The following CACNA2D2 variants were observed in gnomAD, a reference collection of about 807,000 sequenced individuals.
CACNA2D2 encodes the protein voltage-dependent calcium channel subunit alpha-2/delta-2.
In CACNA2D2, 48 loss-of-function variants were observed where a neutral mutation model predicts 166.4. The ratio of observed to expected loss-of-function variants is 0.29; its 90% CI spans 0.23 to 0.37. The LOEUF (loss-of-function observed/expected upper bound fraction) is 0.37, where lower values mean the gene tolerates loss of function less well. Among genes scored for constraint, CACNA2D2 ranks in the 10% least tolerant of loss-of-function variants. The probability of loss-of-function intolerance (pLI) is 1.00; values close to 1 mark genes in which losing one functional copy is unlikely to be tolerated. For missense variants in CACNA2D2, 1,122 were observed against 1,433.0 expected, an observed-to-expected ratio of 0.78 and a Z score of 3.50; for synonymous variants, 561 against 573.7, an observed-to-expected ratio of 0.98 and a Z score of 0.32.
At position 50,397,784 on chromosome 3, in the gene CACNA2D2, C is replaced by T. The variant is rs370517008; in HGVS notation, c.406-3616G>A. On this transcript the variant is annotated intron_variant, in intron 3 of 37. Coordinates refer to ENST00000424201, the MANE Select transcript of CACNA2D2 (RefSeq NM_006030.4). ...TTAGCCCTATCAGACTGTGTTACCTCCCCTGGAAACTTCCTTTTGCCTTTA... is the reference window on the plus strand; with the variant it reads ...TTAGCCCTATCAGACTGTGTTACCTTCCCTGGAAACTTCCTTTTGCCTTTA... Among the ~76,000 whole-genome samples, 9 of 152,326 alleles carry T rather than the reference C, an allele frequency of 5.9e-5. No homozygotes were observed. The East Asian group carries it at 1.4e-3, about 23-fold the overall frequency.
At chr3:50,452,626 T>A (rs1709154285) in intron 2 of CACNA2D2, among the ~76,000 whole-genome samples, 1 of 152,180 alleles carries the variant, frequency 6.6e-6, no homozygotes, top group South Asian at 2.1e-4. Context: ...TATCAATGCT[T>A]TGGAGAAAGA....
At chr3:50,378,687 G>T (rs1032486395) in intron 13 of CACNA2D2, among the ~76,000 whole-genome samples, 1 of 152,244 alleles carries the variant, frequency 6.6e-6, no homozygotes, top group African/African-American at 2.4e-5. Flanking sequence ...GAGTAGACAA[G>T]CTGGGGGACG....
At chr3:50,384,175 C>T in intron 6 of CACNA2D2, 21 bp downstream of exon 6, 2 of 1,612,194 alleles carry the variant, frequency 1.2e-6, no homozygotes, top group Middle Eastern at 3.3e-4. Flanking sequence ...ATGGGCTGTC[C>T]CGATTGCTCT....
At chr3:50,465,855 G>A (rs1340275134) in intron 2 of CACNA2D2, among the ~76,000 whole-genome samples, 1 of 152,148 alleles carries the variant, frequency 6.6e-6, no homozygotes, top group Non-Finnish European at 1.5e-5. Context: ...AAGCCCAAAG[G>A]AACCAAGACA....
chr3:50,435,294 T>TGTGTGC lies in CACNA2D2; in HGVS notation c.289-871_289-866dup, dbSNP rs574574428. Among the ~76,000 whole-genome samples the TGTGTGC allele has an allele frequency of 2.3e-4, 35 of 151,638 alleles. 1 individual carries two copies. Among genetic ancestry groups the TGTGTGC allele is most frequent in the African/African-American group, 6.8e-4 (28 of 41,238 alleles). ...TCTTTGTTCACAGCTGGGTCTTGGGTGTGTGCGTGTGCGTGTGCGTGTGTG... is the reference window on the plus strand; with the variant it reads ...TCTTTGTTCACAGCTGGGTCTTGGGTGTGTGCGTGTGCGTGTGCGTGTGCGTGTGTG... On this transcript the variant is annotated intron_variant, in intron 2 of 37. Transcript: ENST00000424201.
intron 3 of CACNA2D2, among the ~76,000 whole-genome samples, chr3:50,414,266 A>G (rs1707167091): frequency 6.6e-6 from 1 of 151,980 alleles, no homozygotes; most frequent in South Asian, 2.1e-4. Context: ...ACATACCCGC[A>G]CCGTGCAAGC....
intron 6 of CACNA2D2, among the ~76,000 whole-genome samples, chr3:50,381,362 G>C (rs771404032): frequency 6.6e-6 from 1 of 152,112 alleles, no homozygotes; most frequent in African/African-American, 2.4e-5. Context: ...TCTTCCTCCA[G>C]GTCCCACATG....
At chr3:50,433,235 TA>T (rs1367600233) in intron 3 of CACNA2D2, among the ~76,000 whole-genome samples, 9 of 152,368 alleles carry the variant, frequency 5.9e-5, no homozygotes, top group African/African-American at 2.2e-4. Context: ...GGACATTTCA[TA>T]GAAATGGGAT....
rs1180615521 is a variant in CACNA2D2, at chr3:50,449,301, G to GGCAGGAAGAGGGTA, written c.289-14886_289-14873dup. 2.0e-5 allele frequency among the ~76,000 whole-genome samples: 3 copies of GGCAGGAAGAGGGTA among 152,226 alleles called. No individual in the cohort carries two copies. The East Asian group carries it at 5.8e-4, about 29-fold the overall frequency. On this transcript the variant is annotated intron_variant, in intron 2 of 37. Coordinates refer to ENST00000424201, the MANE Select transcript of CACNA2D2 (RefSeq NM_006030.4). ...AGCCCTGATGATGCTATCAGAGGTG[G>GGCAGGAAGAGGGTA]GCAGGAAGAGGGTAGCAGGAATTGG...
At chr3:50,462,430 A>AATAATG (rs879341559) in intron 2 of CACNA2D2, among the ~76,000 whole-genome samples, 5,469 of 141,682 alleles carry the variant, frequency 0.039, 308 homozygotes, top group African/African-American at 0.13. Flanking sequence ...TAATAATAAT[A>AATAATG]ATGATAATAA....
At chr3:50,490,397 G>T (rs1698473679) in intron 1 of CACNA2D2, among the ~76,000 whole-genome samples, 1 of 152,146 alleles carries the variant, frequency 6.6e-6, no homozygotes, top group African/African-American at 2.4e-5. Flanking sequence ...CTCAACTTAG[G>T]GGGAAGAGGG....
At chr3:50,504,238 G>C (rs534644554), upstream of CACNA2D2, 2 of 152,468 alleles carry the variant, frequency 1.3e-5, no homozygotes, top group East Asian at 1.9e-4. Context: ...GCAGCCACTC[G>C]CTTCGCTTCC....
chr3:50,469,719 T>C (rs751237366), intron 2 of CACNA2D2, among the ~76,000 whole-genome samples: 1 of 152,180 alleles, frequency 6.6e-6, no homozygotes, highest in Non-Finnish European at 1.5e-5. Flanking sequence ...CCACAGTGCC[T>C]GCCCTTCCTG....
chr3:50,502,006 G>A (rs1204449331), intron 1 of CACNA2D2, among the ~76,000 whole-genome samples: 3 of 152,140 alleles, frequency 2.0e-5, no homozygotes, highest in Non-Finnish European at 2.9e-5. Flanking sequence ...ACGACAAGAC[G>A]GAGAGAGAGA....
At position 50,378,064 on chromosome 3, in the gene CACNA2D2, G is replaced by A. The variant is rs1423460180; in HGVS notation, c.1423C>T (p.Leu475=). The A allele has an allele frequency of 1.1e-5, 17 of 1,613,554 alleles. No homozygotes were observed. The South Asian group carries it at 1.9e-4, about 18-fold the overall frequency. Residue 475 remains leucine, a synonymous_variant, in exon 15 of 38, where the codon CTG becomes TTG. Coordinates refer to ENST00000424201, the MANE Select transcript of CACNA2D2 (RefSeq NM_006030.4). ...ACCTGCTTGGCCTCCTTGCCTGCCAGCACCATGGGCCTGCCCAACACATCT... is the reference window on the plus strand; with the variant it reads ...ACCTGCTTGGCCTCCTTGCCTGCCAACACCATGGGCCTGCCCAACACATCT... ...YLDVLGRPMV[L]AGKEAKQVQW...
chr3:50,483,681 C>A (rs1452455470), intron 1 of CACNA2D2, among the ~76,000 whole-genome samples: 2 of 152,170 alleles, frequency 1.3e-5, no homozygotes, highest in East Asian at 3.9e-4. Flanking sequence ...CCCAGGTGGC[C>A]CACTCGGCTC....
Position 50,379,832 on chromosome 3 carries a change from G to A in CACNA2D2, c.894-8C>T, listed in dbSNP as rs1705210153. 2 of 1,613,708 alleles carry A rather than the reference G, an allele frequency of 1.2e-6. No individual in the cohort carries two copies. Among genetic ancestry groups the A allele is most frequent in the African/African-American group, 1.3e-5 (1 of 74,926 alleles). On this transcript the variant is annotated splice_region_variant and splice_polypyrimidine_tract_variant and intron_variant, in intron 9 of 37. Transcript: ENST00000424201. This position sits in a 1 kb window ranked among gnomAD's most constrained non-coding sequence, Gnocchi z 6.5. Reference sequence around the variant, plus strand: ...CCGCTCACACTGCCACTCCTGGAGAGGTCAGGCAGGGGACGTGGAGGAGCC... The same window carrying A: ...CCGCTCACACTGCCACTCCTGGAGAAGTCAGGCAGGGGACGTGGAGGAGCC...
intron 3 of CACNA2D2, among the ~76,000 whole-genome samples, chr3:50,403,078 T>C (rs1382636899): frequency 1.3e-5 from 2 of 152,196 alleles, no homozygotes; most frequent in East Asian, 1.9e-4. Flanking sequence ...CCCAAGTTCC[T>C]AGGGCTTGGC....
intron 2 of CACNA2D2, among the ~76,000 whole-genome samples, chr3:50,444,662 T>C (rs149476929): frequency 1.3e-5 from 2 of 152,320 alleles, no homozygotes; most frequent in East Asian, 3.9e-4. Flanking sequence ...TGTCACCACA[T>C]AAAGACAGCA....
Sources: gnomAD v4.1 joint callset for allele counts (sites outside exome capture counted in the v4.1 genomes callset) on GRCh38, gnomAD v4.1.1 for gene constraint, Gnocchi (gnomAD v3.1) non-coding constraint, MANE v1.5 for transcripts, NCBI Gene and HGNC (gene_info 2026-07-23, HGNC 2026-07-21) for gene names.